TANC2: variants seen among roughly 807,000 people sequenced by gnomAD.
The protein encoded by TANC2 is protein TANC2.
A neutral mutation model predicts 210.5 loss-of-function variants in TANC2; 26 were observed. The observed-to-expected ratio is 0.12, with a 90% CI of 0.09 to 0.17. The LOEUF is 0.17. Among genes scored for constraint, TANC2 ranks in the 10% least tolerant of loss-of-function variants. The pLI, the probability that TANC2 is intolerant of heterozygous loss-of-function variation, is 1.00. For missense variants in TANC2, 2,129 were observed against 2,608.9 expected (o/e 0.82, Z 4.01); for synonymous variants, 931 against 967.1 (o/e 0.96, Z 0.69).
chr17:63,078,047 G>T (rs1020447918), intron 3 of TANC2, among the ~76,000 whole-genome samples: 3 of 152,088 alleles, frequency 2.0e-5, no homozygotes, highest in Non-Finnish European at 4.4e-5. Context: ...TTCAACTTCA[G>T]TTTCCTCCTC....
At chr17:63,416,033 G>A (rs537773130) in intron 26 of TANC2, among the ~76,000 whole-genome samples, 6 of 152,190 alleles carry the variant, frequency 3.9e-5, no homozygotes, top group Non-Finnish European at 7.3e-5. Context: ...GATGTGAATT[G>A]TAGTCATTAC....
At chr17:63,260,255 A>G (rs138147454) in intron 8 of TANC2, among the ~76,000 whole-genome samples, 47 of 152,356 alleles carry the variant, frequency 3.1e-4, no homozygotes, top group African/African-American at 1.1e-3. Context: ...TCATAAAATG[A>G]GAGGATCTGA....
intron 5 of TANC2, among the ~76,000 whole-genome samples, chr17:63,158,208 A>G (rs1051049903): frequency 2.6e-5 from 4 of 152,120 alleles, no homozygotes; most frequent in African/African-American, 9.7e-5. Flanking sequence ...TTTATTTAAT[A>G]TCTCTAATCT....
At chr17:63,199,597 C>T (rs560064751) in intron 6 of TANC2, among the ~76,000 whole-genome samples, 8 of 147,172 alleles carry the variant, frequency 5.4e-5, no homozygotes, top group Non-Finnish European at 8.9e-5. Context: ...CCAGCCTGAA[C>T]GACACAGTGA....
At chr17:63,063,577 G>GTGTGT (rs2036083208) in intron 2 of TANC2, among the ~76,000 whole-genome samples, 1 of 81,186 alleles carries the variant, frequency 1.2e-5, no homozygotes, top group Non-Finnish European at 2.6e-5. Flanking sequence ...TGTGTGTGTA[G>GTGTGT]ATATATCTCT....
At chr17:63,082,809 T>A (rs1475994458) in intron 3 of TANC2, among the ~76,000 whole-genome samples, 1 of 152,162 alleles carries the variant, frequency 6.6e-6, no homozygotes, top group Non-Finnish European at 1.5e-5. Context: ...TTTCATTGGC[T>A]GAGACTGACT....
At chr17:63,169,264 AC>A (rs2040317998) in intron 5 of TANC2, among the ~76,000 whole-genome samples, 1 of 152,084 alleles carries the variant, frequency 6.6e-6, no homozygotes, top group African/African-American at 2.4e-5. Flanking sequence ...ATTGCCTATT[AC>A]TTATGTTAGT....
intron 8 of TANC2, among the ~76,000 whole-genome samples, chr17:63,249,097 A>G (rs2146138857): frequency 6.6e-6 from 1 of 152,290 alleles, no homozygotes; most frequent in East Asian, 1.9e-4. Flanking sequence ...CATGTTCCAC[A>G]TATGAGGATA....
At chr17:63,389,801 A>G (rs2047905590) in intron 17 of TANC2, 3 of 473,650 alleles carry the variant, frequency 6.3e-6, no homozygotes, top group Non-Finnish European at 1.2e-5. Context: ...TTTCTACATA[A>G]CAACCCAGAA....
At chr17:63,398,956 G>T (rs2048254217) in intron 19 of TANC2, 42 bp downstream of exon 19, 1 of 1,419,600 alleles carries the variant, frequency 7.0e-7, no homozygotes. Flanking sequence ...TGTTGTGTTT[G>T]TGTGGACTCT....
At chr17:63,255,087 ATTTATTTATTTATTTATT>A (rs1249409120) in intron 8 of TANC2, among the ~76,000 whole-genome samples, 6 of 146,202 alleles carry the variant, frequency 4.1e-5, no homozygotes, top group South Asian at 2.1e-4. Flanking sequence ...TTATTTATTT[ATTTATTTATTTATTTATT>A]TTTATTTATT....
chr17:63,405,808 A>T (rs1367463665), intron 20 of TANC2, among the ~76,000 whole-genome samples: 2 of 152,258 alleles, frequency 1.3e-5, no homozygotes, highest in African/African-American at 4.8e-5. Flanking sequence ...AGTTGCAAGT[A>T]TTAACTACAG....
intron 19 of TANC2, 89 bp downstream of exon 19, chr17:63,399,003 T>A: frequency 1.1e-6 from 1 of 942,078 alleles, no homozygotes; most frequent in Middle Eastern, 2.7e-4. Flanking sequence ...TGGCATACAT[T>A]TGGCAGTCTT....
In TANC2 at chr17:63,398,975, ACC is replaced by A. The variant is rs1219362580; in HGVS notation, c.3331+65_3331+66del. 5 of 1,248,892 alleles carry A rather than the reference ACC, an allele frequency of 4.0e-6. No homozygotes were observed. The Admixed American group carries it at 1.1e-4, about 28-fold the overall frequency. The allele number at this position is 1,248,892 out of a possible 1,614,324, so 77.4% of individuals were successfully genotyped here. A position where few individuals can be genotyped will look rare whatever the true frequency, so the allele number is the denominator to read the frequency against. On this transcript the variant is annotated intron_variant, in intron 19 of 27. Transcript: ENST00000689528. ...GTGTTTGTGTGGACTCTCGAATCTC[ACC>A]CCCTTATTTTTTCCCTGGCATACAT...
At chr17:63,184,705 G>A (rs1267912392) in intron 5 of TANC2, among the ~76,000 whole-genome samples, 1 of 149,596 alleles carries the variant, frequency 6.7e-6, no homozygotes, top group Non-Finnish European at 1.5e-5. Flanking sequence ...CCATGCTGGA[G>A]TGCAATGGCA....
intron 1 of TANC2, among the ~76,000 whole-genome samples, chr17:62,979,184 G>T (rs1235437200): frequency 6.6e-6 from 1 of 151,856 alleles, no homozygotes; most frequent in Non-Finnish European, 1.5e-5. Flanking sequence ...ATCCTTATAT[G>T]CCCTGAGATT....
At chr17:63,257,908 A>C (rs898798557) in intron 8 of TANC2, among the ~76,000 whole-genome samples, 1 of 152,204 alleles carries the variant, frequency 6.6e-6, no homozygotes, top group Non-Finnish European at 1.5e-5. Context: ...TAGTTTATAA[A>C]TCACAATTAC....
intron 4 of TANC2, among the ~76,000 whole-genome samples, chr17:63,126,881 T>TTA (rs1344175074): frequency 6.6e-6 from 1 of 152,146 alleles, no homozygotes. Flanking sequence ...TCTAACAGTA[T>TTA]TATAGTGCCT....
intron 2 of TANC2, among the ~76,000 whole-genome samples, chr17:63,050,370 A>C (rs1460781623): frequency 6.6e-6 from 1 of 151,974 alleles, no homozygotes; most frequent in African/African-American, 2.4e-5. Context: ...AAAAAAAAAA[A>C]AAAAAGAAAG....
Sources: gnomAD v4.1 joint callset for allele counts (sites outside exome capture counted in the v4.1 genomes callset) on GRCh38, gnomAD v4.1.1 for gene constraint, MANE v1.5 for transcripts, NCBI Gene and HGNC (gene_info 2026-07-23, HGNC 2026-07-21) for gene names.